SEZ6L: variants seen among roughly 807,000 people sequenced by gnomAD.
SEZ6L encodes the protein seizure related 6 homolog like.
Under a neutral mutation model 106.2 loss-of-function variants are expected in SEZ6L, and 37 were observed. The ratio of observed to expected loss-of-function variants is 0.35; its 90% CI spans 0.27 to 0.46. The LOEUF (loss-of-function observed/expected upper bound fraction) is 0.46, where lower values mean the gene tolerates loss of function less well. SEZ6L is among the 20% of genes least tolerant of loss of function. SEZ6L has a pLI of 1.00. For synonymous variants in SEZ6L, 541 were observed against 570.4 expected (o/e 0.95, Z 0.73); for missense variants, 1,172 against 1,332.8 (o/e 0.88, Z 1.88).
chr22:26,356,978 G>A (rs1022143444), intron 12 of SEZ6L, among the ~76,000 whole-genome samples: 3 of 149,738 alleles, frequency 2.0e-5, no homozygotes, highest in African/African-American at 7.4e-5. Context: ...TTGAGACGGA[G>A]TCTGGCTCTG....
At chr22:26,217,882 A>C (rs1196866005) in intron 1 of SEZ6L, among the ~76,000 whole-genome samples, 1 of 152,238 alleles carries the variant, frequency 6.6e-6, no homozygotes, top group Non-Finnish European at 1.5e-5. Flanking sequence ...ATGAGAGTTG[A>C]ATTGAATTCT....
intron 1 of SEZ6L, among the ~76,000 whole-genome samples, chr22:26,292,014 AGGAAGGAAGGAAGGAAGGAAGGAT>A (rs1380323148): frequency 0.036 from 4,752 of 130,270 alleles, 138 homozygotes; most frequent in Admixed American, 0.051. Flanking sequence ...GAAGGAAGGA[AGGAAGGAAGGAAGGAAGGAAGGAT>A]GGATGGAAGG....
At chr22:26,198,632 G>A (rs971817125) in intron 1 of SEZ6L, among the ~76,000 whole-genome samples, 1 of 152,196 alleles carries the variant, frequency 6.6e-6, no homozygotes, top group African/African-American at 2.4e-5. Context: ...CTCTGCTTCC[G>A]GGATGGTGCC....
chr22:26,219,330 A>C (rs1455886121), intron 1 of SEZ6L, among the ~76,000 whole-genome samples: 1 of 151,532 alleles, frequency 6.6e-6, no homozygotes, highest in Non-Finnish European at 1.5e-5. Context: ...ACAATGACAA[A>C]AATGAACAAG....
intron 1 of SEZ6L, among the ~76,000 whole-genome samples, chr22:26,212,930 T>TG (rs1602050913): frequency 6.6e-6 from 1 of 152,014 alleles, no homozygotes; most frequent in Non-Finnish European, 1.5e-5. Context: ...GTGCTTGGGA[T>TG]GGGGGTTGGC....
chr22:26,223,134 G>T (rs181209173), intron 1 of SEZ6L, among the ~76,000 whole-genome samples: 1 of 152,174 alleles, frequency 6.6e-6, no homozygotes, highest in Non-Finnish European at 1.5e-5. Flanking sequence ...CCCAAACGTG[G>T]TAGTCACAGG....
At chr22:26,299,797 G>A (rs1161526914) in intron 5 of SEZ6L, among the ~76,000 whole-genome samples, 1 of 152,184 alleles carries the variant, frequency 6.6e-6, no homozygotes, top group African/African-American at 2.4e-5. Context: ...TTGTATGCCA[G>A]TTTTTTGTGT....
At chr22:26,279,213 G>C (rs1284560450) in intron 1 of SEZ6L, among the ~76,000 whole-genome samples, 1 of 152,188 alleles carries the variant, frequency 6.6e-6, no homozygotes, top group Non-Finnish European at 1.5e-5. Flanking sequence ...CAGAACCTAA[G>C]GGATGACCAT....
chr22:26,230,737 G>C (rs573680759), intron 1 of SEZ6L, among the ~76,000 whole-genome samples: 1 of 152,302 alleles, frequency 6.6e-6, no homozygotes, highest in African/African-American at 2.4e-5. Context: ...AGAGCCCCGG[G>C]AAGAACCAGG....
At chr22:26,301,359 C>G (rs1409519941) in intron 5 of SEZ6L, among the ~76,000 whole-genome samples, 5 of 152,248 alleles carry the variant, frequency 3.3e-5, no homozygotes, top group African/African-American at 1.2e-4. Context: ...CGAGCGCCCA[C>G]TGTGTGGTAG....
rs562479831 is a variant in SEZ6L at position 26,252,066 on chromosome 22, G to T, written c.95-40340G>T. On this transcript the variant is annotated intron_variant, in intron 1 of 16. Coordinates refer to ENST00000248933, the MANE Select transcript of SEZ6L (RefSeq NM_021115.5). ...CAGCATCAGCGACAGCAGCAGCACA[G>T]GCAGCAGCAGCACCTGGGAGCTAGT... Among the ~76,000 whole-genome samples, 5 of 152,288 alleles carry T rather than the reference G, an allele frequency of 3.3e-5. No homozygotes were observed. The South Asian group carries it at 1.0e-3, about 32-fold the overall frequency.
At chr22:26,319,262 G>A (rs1214467405) in intron 9 of SEZ6L, among the ~76,000 whole-genome samples, 2 of 152,142 alleles carry the variant, frequency 1.3e-5, no homozygotes, top group Non-Finnish European at 2.9e-5. Flanking sequence ...CCACCACTGC[G>A]TCTTCCCAGG....
At chr22:26,206,615 G>A (rs1237565711) in intron 1 of SEZ6L, among the ~76,000 whole-genome samples, 1 of 152,180 alleles carries the variant, frequency 6.6e-6, no homozygotes, top group East Asian at 1.9e-4. Context: ...AATAACATGA[G>A]CGACCTAAAA....
rs550939475 is a variant in SEZ6L, at chr22:26,275,037, G to A, written c.95-17369G>A. 2.5e-4 allele frequency among the ~76,000 whole-genome samples: 38 copies of A among 152,258 alleles called. 1 individual carries two copies. The South Asian group carries it at 7.1e-3, about 28-fold the overall frequency. On this transcript the variant is annotated intron_variant, in intron 1 of 16. Transcript: ENST00000248933. ...GTACACGAAGACTCTAATCAAGCAG[G>A]ATATTCCAAGGACTTAGCGGTTACC...
chr22:26,226,969 T>A (rs1439860910), intron 1 of SEZ6L, among the ~76,000 whole-genome samples: 4 of 151,908 alleles, frequency 2.6e-5, no homozygotes, highest in African/African-American at 9.7e-5. Context: ...CTGTTGGTGG[T>A]CTGGTCAGCT....
chr22:26,235,432 T>C (rs139469619), intron 1 of SEZ6L, among the ~76,000 whole-genome samples: 51 of 152,280 alleles, frequency 3.3e-4, no homozygotes, highest in African/African-American at 1.2e-3. Flanking sequence ...TGCTAGGTAC[T>C]AGGAACACAG....
chr22:26,204,804 T>C (rs1338813068), intron 1 of SEZ6L, among the ~76,000 whole-genome samples: 1 of 152,248 alleles, frequency 6.6e-6, no homozygotes, highest in Non-Finnish European at 1.5e-5. Context: ...CAGGAGCAGA[T>C]ATGCTCTAAT....
intron 1 of SEZ6L, among the ~76,000 whole-genome samples, chr22:26,174,601 G>A (rs1231590786): frequency 2.0e-5 from 3 of 152,190 alleles, no homozygotes; most frequent in Admixed American, 6.5e-5. Context: ...GCTGAGCACA[G>A]ACAGCATCAC....
intron 5 of SEZ6L, among the ~76,000 whole-genome samples, chr22:26,300,460 C>T (rs867565321): frequency 1.1e-4 from 17 of 152,170 alleles, no homozygotes; most frequent in Middle Eastern, 3.2e-3. Flanking sequence ...CAGCTTCATC[C>T]ATATCCCTAC....
Sources: allele counts gnomAD v4.1 joint callset (sites outside exome capture counted in the v4.1 genomes callset), GRCh38; gene constraint gnomAD v4.1.1; transcripts MANE v1.5; gene names NCBI Gene and HGNC (gene_info 2026-07-23, HGNC 2026-07-21).